Variants in MALT1 observed in about 807,000 individuals in gnomAD.
MALT1 encodes the protein MALT1 paracaspase.
MALT1 carries 36 observed loss-of-function variants against 85.5 expected under a neutral mutation model. That is an observed-to-expected ratio of 0.42 (90% CI 0.32 to 0.56). The LOEUF is 0.56. Ranked by LOEUF, MALT1 falls within the 20% of genes least tolerant of loss-of-function variation. The probability of loss-of-function intolerance (pLI) is 0.10; values close to 1 mark genes in which losing one functional copy is unlikely to be tolerated. For synonymous variants in MALT1, 359 were observed against 361.3 expected, an observed-to-expected ratio of 0.99 and a Z score of 0.07; for missense variants, 716 against 981.6, an observed-to-expected ratio of 0.73 and a Z score of 3.62.
At chr18:58,744,883 T>C (rs750313588) in intron 15 of MALT1, among the ~76,000 whole-genome samples, 2 of 152,038 alleles carry the variant, frequency 1.3e-5, no homozygotes, top group Non-Finnish European at 2.9e-5. Context: ...AGAAATCTAG[T>C]TCTGCTCTTT....
intron 4 of MALT1, 103 bp from the exon 5 acceptor site, chr18:58,709,275 A>G: frequency 1.4e-6 from 1 of 717,592 alleles, no homozygotes; most frequent in East Asian, 3.0e-5. Flanking sequence ...ATGTTATTAA[A>G]AATTGTAACA....
chr18:58,733,862 C>T, intron 11 of MALT1: 1 of 1,184,268 alleles, frequency 8.4e-7, no homozygotes, highest in Non-Finnish European at 1.0e-6. Context: ...CTTTAATAAT[C>T]ACTATAGTTA....
intron 1 of MALT1, among the ~76,000 whole-genome samples, chr18:58,674,694 T>C (rs1187717360): frequency 6.6e-6 from 1 of 152,180 alleles, no homozygotes; most frequent in Non-Finnish European, 1.5e-5. Flanking sequence ...TCTGTGATAC[T>C]AGAAGGTCCT....
chr18:58,724,519 T>C (rs2055027010), intron 10 of MALT1, among the ~76,000 whole-genome samples: 1 of 152,182 alleles, frequency 6.6e-6, no homozygotes, highest in Non-Finnish European at 1.5e-5. Context: ...ACCTTGGTAA[T>C]TGGCTTATAC....
At chr18:58,708,191 C>T (rs1203231727) in intron 4 of MALT1, among the ~76,000 whole-genome samples, 1 of 152,198 alleles carries the variant, frequency 6.6e-6, no homozygotes, top group Non-Finnish European at 1.5e-5. Flanking sequence ...TGTGGACCTG[C>T]ACTTCACAGG....
intron 2 of MALT1, among the ~76,000 whole-genome samples, chr18:58,692,921 A>C (rs922152423): frequency 9.2e-5 from 14 of 152,360 alleles, no homozygotes; most frequent in Admixed American, 3.9e-4. Flanking sequence ...AACCAGCCAC[A>C]GCATGCCCCT....
At chr18:58,699,269 C>T (rs1427691052) in intron 3 of MALT1, among the ~76,000 whole-genome samples, 1 of 152,104 alleles carries the variant, frequency 6.6e-6, no homozygotes, top group Non-Finnish European at 1.5e-5. Flanking sequence ...GAAGTCAGTG[C>T]CTAAGAGAAC....
At position 58,749,106 on chromosome 18, in the gene MALT1, A is replaced by T; in HGVS notation, c.*1264A>T. 1 of 218,206 alleles carries T rather than the reference A, an allele frequency of 4.6e-6. No individual in the cohort carries two copies. The highest frequency in any genetic ancestry group is 9.2e-6 in the Non-Finnish European group (1 of 108,620). 13.5% of individuals were successfully genotyped at this position (218,206 alleles called of 1,614,324 possible). A position where few individuals can be genotyped will look rare whatever the true frequency, so the allele number is the denominator to read the frequency against. On this transcript the variant is annotated 3_prime_UTR_variant, in exon 17 of 17. Coordinates refer to ENST00000649217, the MANE Select transcript of MALT1 (RefSeq NM_006785.4). ...CCCAGGAATTCAAGGTTGGTTCAAC[A>T]TCTAAAAATCAAATAAGCTAATATA... is the stretch of plus-strand genomic sequence containing the variant.
At chr18:58,708,307 C>T (rs1223524755) in intron 4 of MALT1, among the ~76,000 whole-genome samples, 1 of 152,180 alleles carries the variant, frequency 6.6e-6, no homozygotes, top group African/African-American at 2.4e-5. Flanking sequence ...AGCTGGGGTT[C>T]CTTGAGGATC....
intron 10 of MALT1, 82 bp from the exon 11 acceptor site, chr18:58,733,315 T>G (rs57115850): frequency 0.13 from 116,671 of 880,524 alleles, 10,151 homozygotes; most frequent in African/African-American, 0.33. Flanking sequence ...TCAAGGTTTT[T>G]CTACAAAAAG....
chr18:58,741,017 CAG>C (rs143118620), intron 13 of MALT1, among the ~76,000 whole-genome samples: 8,134 of 152,182 alleles, frequency 0.053, 347 homozygotes, highest in East Asian at 0.22. Flanking sequence ...ATCATACTAA[CAG>C]AGCCACACCA....
rs117974621 is a variant in MALT1 at position 58,699,195 on chromosome 18, T to C, written c.499-1246T>C. On this transcript the variant is annotated intron_variant, in intron 3 of 16. Transcript: ENST00000649217. ...TTAACAGGAGGGAACAGAGCAGTTATAAATAAGTACAGACATGGATAGGTT... is the reference window on the plus strand; with the variant it reads ...TTAACAGGAGGGAACAGAGCAGTTACAAATAAGTACAGACATGGATAGGTT... 8.4e-3 allele frequency among the ~76,000 whole-genome samples: 1,286 copies of C among 152,314 alleles called. 10 individuals carry two copies. Among genetic ancestry groups the C allele is most frequent in the Non-Finnish European group, 0.013 (897 of 68,030 alleles).
intron 9 of MALT1, among the ~76,000 whole-genome samples, chr18:58,720,963 G>T (rs1170779151): frequency 2.6e-5 from 4 of 152,196 alleles, no homozygotes; most frequent in Non-Finnish European, 5.9e-5. Flanking sequence ...CTGTCACTCT[G>T]TTGAGGTTGG....
intron 1 of MALT1, among the ~76,000 whole-genome samples, chr18:58,673,540 C>T (rs550718933): frequency 3.3e-5 from 5 of 152,116 alleles, no homozygotes; most frequent in African/African-American, 9.6e-5. Flanking sequence ...CTACAACCTC[C>T]GCCTCCCAGG....
intron 13 of MALT1, among the ~76,000 whole-genome samples, chr18:58,735,787 A>ATT (rs1278825072): frequency 1.3e-5 from 2 of 151,958 alleles, no homozygotes; most frequent in African/African-American, 4.8e-5. Context: ...AGCTGAGTTC[A>ATT]TTTTTTTCCC....
intron 10 of MALT1, among the ~76,000 whole-genome samples, chr18:58,724,166 T>C (rs1602324143): frequency 6.6e-6 from 1 of 152,220 alleles, no homozygotes; most frequent in East Asian, 1.9e-4. Context: ...ATTAGATTGA[T>C]ATGATAAGGC....
intron 3 of MALT1, among the ~76,000 whole-genome samples, chr18:58,699,616 A>T (rs118094380): frequency 1.3e-5 from 2 of 152,328 alleles, no homozygotes; most frequent in East Asian, 3.9e-4. Flanking sequence ...CAGCATCCCA[A>T]ATCTGAAATG....
Position 58,745,785 on chromosome 18 carries a change from AT to A in MALT1, c.2033del (p.Leu678Ter). 2 of 1,610,328 alleles carry A rather than the reference AT, an allele frequency of 1.2e-6. No individual in the cohort carries two copies. The highest frequency in any genetic ancestry group is 1.7e-6 in the Non-Finnish European group (2 of 1,179,050). Reference sequence around the variant, plus strand: ...ATACCAGACTCAGTTCACTGCAAAAATTAAAGGTTACTACCTTTTCTGTTTA... The same window carrying A: ...ATACCAGACTCAGTTCACTGCAAAAATAAAGGTTACTACCTTTTCTGTTTA... ...LYTRLSSLQK[L>X]KEHLVFTVCL... On this transcript the variant is annotated frameshift_variant, in exon 16 of 17. Transcript: ENST00000649217. LOFTEE classifies it low-confidence loss of function (END_TRUNC).
chr18:58,718,905 T>C (rs1381479257), intron 9 of MALT1, among the ~76,000 whole-genome samples: 1 of 151,606 alleles, frequency 6.6e-6, no homozygotes, highest in East Asian at 1.9e-4. Flanking sequence ...AAAATGAAAA[T>C]ATATGGGATG....
Sources: gnomAD v4.1 joint callset for allele counts (sites outside exome capture counted in the v4.1 genomes callset) on GRCh38, gnomAD v4.1.1 for gene constraint, MANE v1.5 for transcripts, NCBI Gene and HGNC (gene_info 2026-07-23, HGNC 2026-07-21) for gene names.